Variants in ASCC3 observed in about 807,000 individuals in gnomAD.
The protein encoded by ASCC3 is activating signal cointegrator 1 complex subunit 3.
In ASCC3, 158 loss-of-function variants were observed where a neutral mutation model predicts 256.3. The observed-to-expected ratio is 0.62, with a 90% CI of 0.54 to 0.70. ASCC3 has a LOEUF of 0.70. Among genes scored for constraint, ASCC3 ranks in the 30% least tolerant of loss-of-function variants. ASCC3 has a pLI of 0.00. For missense variants in ASCC3, 2,259 were observed against 2,626.0 expected (o/e 0.86, Z 3.05); for synonymous variants, 948 against 883.4 (o/e 1.07, Z -1.30).
At chr6:100,619,192 A>G (rs1321215953) in intron 30 of ASCC3, among the ~76,000 whole-genome samples, 1 of 152,148 alleles carries the variant, frequency 6.6e-6, no homozygotes, top group African/African-American at 2.4e-5. Flanking sequence ...CAGACAAAAA[A>G]CCACTTGAAA....
chr6:100,786,333 C>A (rs1216896979), intron 8 of ASCC3, among the ~76,000 whole-genome samples: 2 of 152,026 alleles, frequency 1.3e-5, no homozygotes, highest in African/African-American at 4.8e-5. Flanking sequence ...ATAATGTCTT[C>A]CAAAAATTCC....
chr6:100,791,934 C>G (rs547088872), intron 8 of ASCC3, among the ~76,000 whole-genome samples: 2 of 151,670 alleles, frequency 1.3e-5, no homozygotes, highest in South Asian at 4.1e-4. Context: ...TGAGGAAAAG[C>G]CAAAAAAATG....
intron 1 of ASCC3, among the ~76,000 whole-genome samples, chr6:100,873,557 C>T (rs1175549689): frequency 1.3e-5 from 2 of 152,098 alleles, no homozygotes; most frequent in Admixed American, 6.6e-5. Context: ...AAAAGATCAT[C>T]GCCTAGGCAC....
At chr6:100,694,993 C>A (rs1271947217) in intron 13 of ASCC3, among the ~76,000 whole-genome samples, 1 of 152,046 alleles carries the variant, frequency 6.6e-6, no homozygotes, top group Admixed American at 6.6e-5. Flanking sequence ...AGGAAACAAC[C>A]TTTAACAAGT....
chr6:100,510,320 G>T, intron 40 of ASCC3: 1 of 572,370 alleles, frequency 1.7e-6, no homozygotes, highest in Non-Finnish European at 3.1e-6. Flanking sequence ...GCATATTATA[G>T]ACACTAGTTC....
intron 10 of ASCC3, among the ~76,000 whole-genome samples, chr6:100,737,175 T>G (rs1317740186): frequency 2.1e-5 from 3 of 144,258 alleles, no homozygotes; most frequent in East Asian, 2.0e-4. Context: ...GGGGAGGCAG[T>G]GGGGGTGGGT....
At chr6:100,780,581 G>C (rs1050256964) in intron 8 of ASCC3, among the ~76,000 whole-genome samples, 1 of 152,044 alleles carries the variant, frequency 6.6e-6, no homozygotes, top group African/African-American at 2.4e-5. Flanking sequence ...TCTGGCCTGG[G>C]TGACAAGGCA....
chr6:100,737,820 G>A (rs1046162727), intron 10 of ASCC3, among the ~76,000 whole-genome samples: 2 of 152,152 alleles, frequency 1.3e-5, no homozygotes, highest in Non-Finnish European at 2.9e-5. Flanking sequence ...TCCCACAATG[G>A]TTAAACTAAT....
chr6:100,658,126 C>G (rs969786584), intron 16 of ASCC3, among the ~76,000 whole-genome samples: 7 of 151,502 alleles, frequency 4.6e-5, no homozygotes, highest in African/African-American at 1.7e-4. Flanking sequence ...TAACTAACTA[C>G]AATGACATAT....
At chr6:100,837,436 C>T (rs1361745726) in intron 4 of ASCC3, among the ~76,000 whole-genome samples, 1 of 152,016 alleles carries the variant, frequency 6.6e-6, no homozygotes, top group Non-Finnish European at 1.5e-5. Flanking sequence ...ACCTGCACTC[C>T]CATATTTACT....
chr6:100,589,425 C>T (rs1477398150), intron 36 of ASCC3, among the ~76,000 whole-genome samples: 1 of 151,982 alleles, frequency 6.6e-6, no homozygotes, highest in Non-Finnish European at 1.5e-5. Context: ...GACCTCATTC[C>T]ACACTCAGAA....
chr6:100,817,506 A>C (rs1028544682), intron 4 of ASCC3, among the ~76,000 whole-genome samples: 6 of 152,064 alleles, frequency 3.9e-5, no homozygotes, highest in African/African-American at 9.7e-5. Context: ...TGAAAAGATT[A>C]ACAAAATTAA....
At chr6:100,732,165 C>CAAAAAAAAAA (rs386408063) in intron 10 of ASCC3, among the ~76,000 whole-genome samples, 3 of 105,086 alleles carry the variant, frequency 2.9e-5, no homozygotes, top group African/African-American at 3.8e-5. Flanking sequence ...CGTCTCAAAA[C>CAAAAAAAAAA]AAAAAAAAAA....
chr6:100,745,697 A>G (rs1780633076), intron 10 of ASCC3, among the ~76,000 whole-genome samples: 1 of 152,236 alleles, frequency 6.6e-6, no homozygotes. Flanking sequence ...ACTACTGAAC[A>G]GTTGAAATCA....
intron 40 of ASCC3, 121 bp from the exon 41 acceptor site, chr6:100,510,228 A>G (rs1403043971): frequency 2.9e-6 from 3 of 1,038,338 alleles, no homozygotes; most frequent in African/African-American, 3.2e-5. Flanking sequence ...CAGCATATCT[A>G]TCTGAGATGT....
intron 13 of ASCC3, among the ~76,000 whole-genome samples, chr6:100,707,480 T>A (rs1461785665): frequency 6.6e-6 from 1 of 152,066 alleles, no homozygotes; most frequent in African/African-American, 2.4e-5. Context: ...CAGTGATTAT[T>A]TTTTCCCCTT....
intron 4 of ASCC3, among the ~76,000 whole-genome samples, chr6:100,812,791 G>A (rs1770541765): frequency 6.6e-6 from 1 of 152,002 alleles, no homozygotes; most frequent in South Asian, 2.1e-4. Flanking sequence ...TTAGCCAGGT[G>A]TGGTGGTGCA....
intron 34 of ASCC3, among the ~76,000 whole-genome samples, chr6:100,599,651 A>G (rs1176373586): frequency 2.0e-5 from 3 of 151,990 alleles, no homozygotes; most frequent in African/African-American, 7.2e-5. Context: ...GCAATTTAAA[A>G]TAGAAAGTTC....
chr6:100,517,923 C>CT, intron 38 of ASCC3, 68 bp downstream of exon 38: 1 of 1,521,650 alleles, frequency 6.6e-7, no homozygotes, highest in South Asian at 1.1e-5. Context: ...ATTTCAGTGA[C>CT]TACATATATA....
Sources: allele counts gnomAD v4.1 joint callset (sites outside exome capture counted in the v4.1 genomes callset), GRCh38; gene constraint gnomAD v4.1.1; transcripts MANE v1.5; gene names NCBI Gene and HGNC (gene_info 2026-07-23, HGNC 2026-07-21).